The following CLASP1 variants were observed in gnomAD, a reference collection of about 807,000 sequenced individuals.
CLASP1 encodes cytoplasmic linker associated protein 1.
Under a neutral mutation model 192.3 loss-of-function variants are expected in CLASP1, and 38 were observed. The ratio of observed to expected loss-of-function variants is 0.20; its 90% CI spans 0.15 to 0.26. CLASP1 has a LOEUF of 0.26. CLASP1 is among the 10% of genes least tolerant of loss of function. The probability of loss-of-function intolerance (pLI) is 1.00; values close to 1 mark genes in which losing one functional copy is unlikely to be tolerated. For synonymous variants in CLASP1, 691 were observed against 712.8 expected (o/e 0.97, Z 0.49); for missense variants, 1,433 against 1,932.5 (o/e 0.74, Z 4.85).
At chr2:121,473,349 A>C (rs1056184634) in intron 8 of CLASP1, among the ~76,000 whole-genome samples, 4 of 152,216 alleles carry the variant, frequency 2.6e-5, no homozygotes, top group Admixed American at 2.6e-4. Flanking sequence ...TGCAGACTAG[A>C]CATTGTAGAA....
At chr2:121,389,172 C>T (rs2149391390) in intron 30 of CLASP1, among the ~76,000 whole-genome samples, 1 of 152,196 alleles carries the variant, frequency 6.6e-6, no homozygotes, top group Admixed American at 6.5e-5. Flanking sequence ...TCATTAATCA[C>T]AGTATTGGGC....
Position 121,576,005 on chromosome 2 carries a change from C to T in CLASP1, c.195+29696G>A, listed in dbSNP as rs59600644. Among the ~76,000 whole-genome samples, 205 of 152,268 alleles carry T rather than the reference C, an allele frequency of 1.3e-3. 1 individual carries two copies. The highest frequency in any genetic ancestry group is 3.9e-3 in the African/African-American group (164 of 41,552). On this transcript the variant is annotated intron_variant, in intron 2 of 39. Coordinates refer to ENST00000263710, the Ensembl canonical transcript of CLASP1. ...CCAAAGCTAACCTTTGAATCCCTGA[C>T]GGATAGGCCTCTATAATAGCAAGGT...
chr2:121,618,155 C>G (rs1046994956), intron 1 of CLASP1, among the ~76,000 whole-genome samples: 1 of 152,212 alleles, frequency 6.6e-6, no homozygotes, highest in Non-Finnish European at 1.5e-5. Context: ...GATTTCCCAA[C>G]AGGACTGTCA....
At chr2:121,368,459 T>G (rs182343001) in intron 34 of CLASP1, among the ~76,000 whole-genome samples, 1 of 152,122 alleles carries the variant, frequency 6.6e-6, no homozygotes, top group Non-Finnish European at 1.5e-5. Flanking sequence ...TTTTTTTTTT[T>G]CCCTAGTATA....
At chr2:121,611,079 G>T (rs2065349826) in intron 1 of CLASP1, among the ~76,000 whole-genome samples, 1 of 143,518 alleles carries the variant, frequency 7.0e-6, no homozygotes, top group Non-Finnish European at 1.5e-5. Flanking sequence ...AACTGGAGGA[G>T]GAGGAGTTGG....
At chr2:121,450,136 C>G in intron 16 of CLASP1, among the ~76,000 whole-genome samples, 1 of 152,028 alleles carries the variant, frequency 6.6e-6, no homozygotes, top group East Asian at 1.9e-4. Flanking sequence ...TCGAGACTAT[C>G]CTGGCTAACA....
At chr2:121,563,597 C>T (rs914198518) in intron 2 of CLASP1, among the ~76,000 whole-genome samples, 9 of 152,150 alleles carry the variant, frequency 5.9e-5, no homozygotes, top group African/African-American at 2.2e-4. Context: ...AATAAATTTG[C>T]TGCTTTAATT....
chr2:121,647,763 T>C lies in CLASP1; in HGVS notation c.-286+1609A>G, dbSNP rs535175798. ...GCCTTTTCTGTATTTGCCAATTCAG[T>C]TGTAACACAGAGATACAATATTTGA... On this transcript the variant is annotated intron_variant, in intron 1 of 39. Transcript: ENST00000263710. 1.2e-4 allele frequency among the ~76,000 whole-genome samples: 18 copies of C among 152,336 alleles called. No individual in the cohort carries two copies. In the East Asian group the frequency reaches 2.3e-3, roughly 20 times the overall value.
intron 23 of CLASP1, among the ~76,000 whole-genome samples, chr2:121,416,014 A>G (rs2078506675): frequency 6.6e-6 from 1 of 152,262 alleles, no homozygotes; most frequent in South Asian, 2.1e-4. Flanking sequence ...TCCCTAAATA[A>G]GGAAGTTGGT....
intron 2 of CLASP1, among the ~76,000 whole-genome samples, chr2:121,569,437 A>G (rs1239783914): frequency 6.6e-6 from 1 of 152,290 alleles, no homozygotes; most frequent in Non-Finnish European, 1.5e-5. Flanking sequence ...AGCTAGGGCT[A>G]GGCCTTCGGC....
At chr2:121,532,064 T>C (rs1463113961) in intron 2 of CLASP1, among the ~76,000 whole-genome samples, 1 of 152,160 alleles carries the variant, frequency 6.6e-6, no homozygotes, top group Non-Finnish European at 1.5e-5. Context: ...ATTTCTTGTA[T>C]ACAGCCTGTG....
intron 8 of CLASP1, among the ~76,000 whole-genome samples, chr2:121,480,953 C>G (rs724403): frequency 0.21 from 32,497 of 152,156 alleles, 6,675 homozygotes; most frequent in African/African-American, 0.54. Flanking sequence ...TGAGAACCGA[C>G]GTCTAATGCC....
chr2:121,346,953 G>A, intron 39 of CLASP1, 85 bp downstream of exon 40: 1 of 798,284 alleles, frequency 1.3e-6, no homozygotes, highest in Non-Finnish European at 2.0e-6. Flanking sequence ...AAACCTGTCT[G>A]GAATCCAGAG....
chr2:121,394,448 T>A (rs1407414612), intron 30 of CLASP1, among the ~76,000 whole-genome samples: 2 of 152,382 alleles, frequency 1.3e-5, no homozygotes, highest in Middle Eastern at 6.8e-3. Context: ...CTGTCCTTTG[T>A]GGTTTCTGAA....
At chr2:121,611,256 G>C (rs2065412333) in intron 1 of CLASP1, among the ~76,000 whole-genome samples, 1 of 144,790 alleles carries the variant, frequency 6.9e-6, no homozygotes, top group Non-Finnish European at 1.5e-5. Flanking sequence ...CGTTGGAGGA[G>C]TTACAGGAGG....
At chr2:121,553,055 C>T (rs772719309) in intron 2 of CLASP1, among the ~76,000 whole-genome samples, 2 of 152,174 alleles carry the variant, frequency 1.3e-5, no homozygotes, top group Non-Finnish European at 2.9e-5. Flanking sequence ...ATGGATGGAG[C>T]TGGAGGCTAT....
intron 1 of CLASP1, among the ~76,000 whole-genome samples, chr2:121,636,707 C>T (rs1024692036): frequency 6.6e-6 from 1 of 152,082 alleles, no homozygotes; most frequent in Non-Finnish European, 1.5e-5. Flanking sequence ...TAAAAAATTT[C>T]AGACATCCAT....
intron 19 of CLASP1, among the ~76,000 whole-genome samples, chr2:121,439,695 C>A (rs1159018235): frequency 6.6e-6 from 1 of 151,516 alleles, no homozygotes; most frequent in Non-Finnish European, 1.5e-5. Context: ...AAATGTCCAA[C>A]AATGATAGAC....
chr2:121,466,967 C>G (rs957067612), intron 9 of CLASP1, among the ~76,000 whole-genome samples: 15 of 152,202 alleles, frequency 9.9e-5, no homozygotes, highest in Non-Finnish European at 2.1e-4. Flanking sequence ...GTGCTCCCTC[C>G]TCCCACCCCA....
Sources: allele counts gnomAD v4.1 joint callset (sites outside exome capture counted in the v4.1 genomes callset), GRCh38; gene constraint gnomAD v4.1.1; transcripts MANE v1.5; gene names NCBI Gene and HGNC (gene_info 2026-07-23, HGNC 2026-07-21).